Variants in SLC25A48 observed in about 807,000 individuals in gnomAD.
SLC25A48 encodes CTC-321K16.1.
Under a neutral mutation model 32.2 loss-of-function variants are expected in SLC25A48, and 29 were observed. That is an observed-to-expected ratio of 0.90 (90% CI 0.67 to 1.23). SLC25A48 has a LOEUF of 1.23. Among genes scored for constraint, SLC25A48 ranks in the 50% most tolerant of loss-of-function variants. The pLI is 0.00. For synonymous variants in SLC25A48, 164 were observed against 172.3 expected, an observed-to-expected ratio of 0.95 and a Z score of 0.38; for missense variants, 399 against 422.7, an observed-to-expected ratio of 0.94 and a Z score of 0.49.
chr5:135,808,914 G>A (rs1757530879), intron 3 of SLC25A48, among the ~76,000 whole-genome samples: 1 of 152,122 alleles, frequency 6.6e-6, no homozygotes, highest in South Asian at 2.1e-4. Context: ...ACAGGAAGAA[G>A]CCCCACAAAT....
In SLC25A48 at chr5:135,871,484, G is replaced by C. The variant is rs1178364030; in HGVS notation, c.445G>C (p.Ala149Pro). Residue 149 changes from alanine to proline, a missense_variant, in exon 5 of 8, where the codon GCA becomes CCA. Physicochemically the swap from Ala to Pro is conservative, Grantham distance 27. Coordinates refer to ENST00000681962, the MANE Select transcript of SLC25A48 (RefSeq NM_001349336.2). Reference sequence around the variant, plus strand: ...AGCCAACCTCGGTTTGAAGTCCAGGGCAGTGGCTCCTGCGGAGCAGCCAGC... The same window carrying C: ...AGCCAACCTCGGTTTGAAGTCCAGGCCAGTGGCTCCTGCGGAGCAGCCAGC... Reference protein sequence around the residue: ...RDANLGLKSRAVAPAEQPAYQ... With the variant: ...RDANLGLKSRPVAPAEQPAYQ... 1 of 1,600,948 alleles carries C rather than the reference G, an allele frequency of 6.2e-7. No individual in the cohort carries two copies. The highest frequency in any genetic ancestry group is 2.2e-5 in the East Asian group (1 of 44,648).
Position 135,660,732 on chromosome 5 carries a change from G to T in SLC25A48, c.-521+25776G>T, listed in dbSNP as rs1022052662. Among the ~76,000 whole-genome samples the T allele has an allele frequency of 4.0e-5, 5 of 124,926 alleles. No individual in the cohort carries two copies. The South Asian group carries it at 9.2e-4, about 23-fold the overall frequency. The allele number at this position is 124,926 out of a possible 152,430, so 82.0% of individuals were successfully genotyped here. A position where few individuals can be genotyped will look rare whatever the true frequency, so the allele number is the denominator to read the frequency against. On this transcript the variant is annotated intron_variant, in intron 3 of 10. Coordinates refer to the SLC25A48 transcript ENST00000646290. ...AATAGATCTAAGTATGAAGAACAGT[G>T]CTTCTCAAGCTTTCGTGTCATACAA...
chr5:135,792,490 A>T (rs1757057495), intron 3 of SLC25A48, among the ~76,000 whole-genome samples: 1 of 151,602 alleles, frequency 6.6e-6, no homozygotes, highest in African/African-American at 2.4e-5. Flanking sequence ...GGGGTTGTTA[A>T]TCTTAATGTA....
chr5:135,816,542 C>T (rs995296006), intron 4 of SLC25A48, among the ~76,000 whole-genome samples: 7 of 152,116 alleles, frequency 4.6e-5, no homozygotes, highest in Non-Finnish European at 1.0e-4. Flanking sequence ...TAGGGATGAT[C>T]ATTGGTAACT....
Position 135,597,487 on chromosome 5 carries a change from G to T in SLC25A48, c.-849+17890G>T, listed in dbSNP as rs528907724. ...GAAAACTGGAATCAAAACTGCACTT[G>T]CTCTTGCAGTTCCACCAGGACACTG... On this transcript the variant is annotated intron_variant, in intron 1 of 10. Transcript: ENST00000646290. Among the ~76,000 whole-genome samples, 14 of 152,326 alleles carry T rather than the reference G, an allele frequency of 9.2e-5. No homozygotes were observed. In the South Asian group the frequency reaches 2.9e-3, roughly 32 times the overall value.
chr5:135,664,123 T>C (rs895722194), intron 3 of SLC25A48, among the ~76,000 whole-genome samples: 2 of 152,222 alleles, frequency 1.3e-5, no homozygotes, highest in Admixed American at 6.5e-5. Context: ...GGTTCTTCAG[T>C]TCTCTGCAGA....
intron 1 of SLC25A48, among the ~76,000 whole-genome samples, chr5:135,602,987 C>T (rs1367005299): frequency 6.6e-6 from 1 of 152,176 alleles, no homozygotes; most frequent in Non-Finnish European, 1.5e-5. Flanking sequence ...CAGGTCATTG[C>T]TGTAGAGACT....
At chr5:135,839,059 T>C (rs4401568) in intron 1 of SLC25A48, among the ~76,000 whole-genome samples, 39,815 of 152,152 alleles carry the variant, frequency 0.26, 6,231 homozygotes, top group African/African-American at 0.44. Flanking sequence ...GCCTCATGGG[T>C]ATTATAATTT....
intron 4 of SLC25A48, among the ~76,000 whole-genome samples, chr5:135,869,141 ACTT>A (rs1761450100): frequency 6.6e-6 from 1 of 152,184 alleles, no homozygotes; most frequent in Admixed American, 6.5e-5. Flanking sequence ...TGCTTTTTAT[ACTT>A]CTTTTGCAAA....
At chr5:135,810,208 G>T (rs1176717321) in intron 3 of SLC25A48, among the ~76,000 whole-genome samples, 2 of 152,166 alleles carry the variant, frequency 1.3e-5, no homozygotes, top group Non-Finnish European at 2.9e-5. Flanking sequence ...GACCAAATTG[G>T]CCCTGAGCTG....
At chr5:135,626,590 ATG>A (rs1419099683) in intron 1 of SLC25A48, among the ~76,000 whole-genome samples, 1 of 152,188 alleles carries the variant, frequency 6.6e-6, no homozygotes. Context: ...GCTTGCATAC[ATG>A]TGTGTTTCTG....
intron 3 of SLC25A48, among the ~76,000 whole-genome samples, chr5:135,759,350 A>G (rs1756004841): frequency 6.6e-6 from 1 of 152,174 alleles, no homozygotes; most frequent in Admixed American, 6.6e-5. Context: ...GTAGTACTCC[A>G]TGGTACGGAT....
intron 3 of SLC25A48, among the ~76,000 whole-genome samples, chr5:135,699,859 A>C (rs192990198): frequency 2.6e-5 from 4 of 152,128 alleles, no homozygotes; most frequent in African/African-American, 9.6e-5. Flanking sequence ...GTCTCTTATT[A>C]CACTTTCCAG....
chr5:135,788,679 C>T (rs1417209665), intron 3 of SLC25A48, among the ~76,000 whole-genome samples: 3 of 141,924 alleles, frequency 2.1e-5, no homozygotes, highest in Non-Finnish European at 4.7e-5. Flanking sequence ...ACCATATGGT[C>T]TCTAATATCC....
At chr5:135,718,134 G>T (rs1008821585) in intron 3 of SLC25A48, among the ~76,000 whole-genome samples, 6 of 151,836 alleles carry the variant, frequency 4.0e-5, no homozygotes, top group Non-Finnish European at 8.8e-5. Context: ...CAGCCTCCTG[G>T]GTAGCTGGGA....
upstream of SLC25A48, among the ~76,000 whole-genome samples, chr5:135,834,444 C>A (rs2288832): frequency 0.36 from 54,578 of 152,196 alleles, 11,201 homozygotes; most frequent in Non-Finnish European, 0.47. Context: ...CGCGCATTGC[C>A]GTCTCTGGAT....
intron 3 of SLC25A48, among the ~76,000 whole-genome samples, chr5:135,732,018 T>C (rs1268119061): frequency 1.3e-5 from 2 of 152,380 alleles, no homozygotes; most frequent in East Asian, 3.9e-4. Context: ...GGAATAAGAC[T>C]GGGGCCTAAT....
intron 3 of SLC25A48, among the ~76,000 whole-genome samples, chr5:135,747,915 C>T (rs1439033053): frequency 2.6e-5 from 4 of 152,196 alleles, no homozygotes; most frequent in African/African-American, 7.2e-5. Context: ...TAAGGTCACA[C>T]GACTGGTGGC....
At chr5:135,773,782 C>T (rs1279873879) in intron 3 of SLC25A48, among the ~76,000 whole-genome samples, 1 of 148,298 alleles carries the variant, frequency 6.7e-6, no homozygotes, top group East Asian at 2.0e-4. Context: ...GATATTACTC[C>T]CAATATCACA....
Sources: allele counts gnomAD v4.1 joint callset (sites outside exome capture counted in the v4.1 genomes callset), GRCh38; gene constraint gnomAD v4.1.1; transcripts MANE v1.5; gene names NCBI Gene and HGNC (gene_info 2026-07-23, HGNC 2026-07-21).